The following SPDYE12 variants were observed in gnomAD, a reference collection of about 807,000 sequenced individuals.
SPDYE12 encodes speedy protein E12.
chr7:74,908,940 C>T, the SPDYE12 span, among the ~76,000 whole-genome samples: 2 of 149,546 alleles, frequency 1.3e-5, no homozygotes, highest in African/African-American at 4.9e-5. Flanking sequence ...CTCGGCCTCC[C>T]AAACTGTTGA....
At chr7:74,909,033 GTTTT>G in the SPDYE12 span, among the ~76,000 whole-genome samples, 3 of 32,024 alleles carry the variant, frequency 9.4e-5, no homozygotes, top group East Asian at 2.3e-3. Flanking sequence ...TTTTTGCCTG[GTTTT>G]TTTTTTTTTT....
chr7:74,910,753 G>C, the SPDYE12 span: 113 of 1,466,036 alleles, frequency 7.7e-5, 3 homozygotes, highest in East Asian at 3.6e-4. Flanking sequence ...AGGTGGTGGA[G>C]GGAGAACTGT....
At chr7:74,912,007 C>T in the SPDYE12 span, 9 of 58,330 alleles carry the variant, frequency 1.5e-4, no homozygotes, top group Admixed American at 9.1e-4. Flanking sequence ...ATCTTGAGGC[C>T]ACACAGCGTC....
chr7:74,913,540 T>TGG, the SPDYE12 span, among the ~76,000 whole-genome samples: 1 of 18,526 alleles, frequency 5.4e-5, no homozygotes, highest in East Asian at 8.1e-4. Context: ...GCCAGGCTGA[T>TGG]CTCTTGTCCT....
the SPDYE12 span, among the ~76,000 whole-genome samples, chr7:74,907,998 G>A: frequency 1.3e-5 from 2 of 150,880 alleles, no homozygotes; most frequent in South Asian, 4.2e-4. Context: ...TAATGGGACT[G>A]GGAGTAATCA....
the SPDYE12 span, among the ~76,000 whole-genome samples, chr7:74,914,995 G>T: frequency 1.3e-5 from 2 of 151,380 alleles, no homozygotes; most frequent in Non-Finnish European, 3.0e-5. Context: ...AACGGGCTGC[G>T]GCTCTCCTAG....
chr7:74,914,946 A>C, the SPDYE12 span, among the ~76,000 whole-genome samples: 4 of 148,968 alleles, frequency 2.7e-5, no homozygotes, highest in Admixed American at 6.8e-5. Context: ...CAAAAAAAAA[A>C]CAAAAAGAAC....
the SPDYE12 span, among the ~76,000 whole-genome samples, chr7:74,909,791 G>A: frequency 1.3e-5 from 2 of 150,680 alleles, no homozygotes; most frequent in Non-Finnish European, 1.5e-5. Flanking sequence ...ATGCAAATCC[G>A]AGAAGCCGGA....
the SPDYE12 span, among the ~76,000 whole-genome samples, chr7:74,912,770 CTT>C: frequency 4.5e-3 from 51 of 11,224 alleles, no homozygotes; most frequent in African/African-American, 5.2e-3. Context: ...TTTTTTTCTT[CTT>C]TTTTTTTTTT....
chr7:74,910,797 C>T, the SPDYE12 span: 79 of 1,283,516 alleles, frequency 6.2e-5, no homozygotes, highest in South Asian at 1.9e-4. Flanking sequence ...CCTGGCCGTG[C>T]GTTAGAACAG....
At chr7:74,907,717 C>T in the SPDYE12 span, among the ~76,000 whole-genome samples, 3 of 148,026 alleles carry the variant, frequency 2.0e-5, no homozygotes, top group East Asian at 5.9e-4. Flanking sequence ...AGAGACACAG[C>T]AACACTCTTG....
chr7:74,908,120 C>T, the SPDYE12 span, among the ~76,000 whole-genome samples: 14 of 146,276 alleles, frequency 9.6e-5, no homozygotes, highest in East Asian at 6.1e-4. Flanking sequence ...TGGGGTGAAC[C>T]GACTTCAAGG....
At chr7:74,909,687 C>A in the SPDYE12 span, 664 of 1,570,448 alleles carry the variant, frequency 4.2e-4, 17 homozygotes, top group Middle Eastern at 6.9e-4. Context: ...GAATGGGGGT[C>A]TGGGGAGGGG....
At chr7:74,907,029 G>A in the SPDYE12 span, 31 of 1,580,598 alleles carry the variant, frequency 2.0e-5, 1 homozygote, top group Middle Eastern at 5.1e-4. Flanking sequence ...GGGTCTCCTC[G>A]TACAGGAAGT....
chr7:74,910,128 T>C, the SPDYE12 span, among the ~76,000 whole-genome samples: 1 of 144,062 alleles, frequency 6.9e-6, no homozygotes, highest in Non-Finnish European at 1.5e-5. Context: ...CCAGTACTTT[T>C]TGAGAGGTGG....
the SPDYE12 span, among the ~76,000 whole-genome samples, chr7:74,906,327 G>A: frequency 8.2e-6 from 1 of 122,158 alleles, no homozygotes; most frequent in Non-Finnish European, 1.6e-5. Flanking sequence ...CCCGAACTCA[G>A]TATTTATGAT....
chr7:74,908,635 G>A, the SPDYE12 span, among the ~76,000 whole-genome samples: 1 of 141,668 alleles, frequency 7.1e-6, no homozygotes, highest in South Asian at 2.3e-4. Flanking sequence ...CTTAGGAGCG[G>A]TTCATGGTTC....
the SPDYE12 span, among the ~76,000 whole-genome samples, chr7:74,912,770 CTTTTTTTTTTTTTTTTTTTTTTTTTTT>C: frequency 4.5e-3 from 51 of 11,214 alleles, no homozygotes; most frequent in African/African-American, 0.017. Context: ...TTTTTTTCTT[CTTTTTTTTTTTTTTTTTTTTTTTTTTT>C]TTTTTTTTTT....
At chr7:74,915,068 G>C in the SPDYE12 span, among the ~76,000 whole-genome samples, 22 of 151,990 alleles carry the variant, frequency 1.4e-4, no homozygotes, top group Admixed American at 1.4e-3. Flanking sequence ...TGCTGTGGAA[G>C]TCCCATTGTT....
Sources: gnomAD v4.1 joint callset for allele counts (sites outside exome capture counted in the v4.1 genomes callset) on GRCh38, gnomAD v4.1.1 for gene constraint, MANE v1.5 for transcripts, NCBI Gene and HGNC (gene_info 2026-07-23, HGNC 2026-07-21) for gene names.